RPE65: variants seen among roughly 807,000 people sequenced by gnomAD.
RPE65 encodes the protein retinoid isomerohydrolase.
In RPE65, 58 loss-of-function variants were observed where a neutral mutation model predicts 68.5. That is an observed-to-expected ratio of 0.85 (90% CI 0.69 to 1.05). The LOEUF (loss-of-function observed/expected upper bound fraction) is 1.05, where lower values mean the gene tolerates loss of function less well. Among genes scored for constraint, RPE65 ranks in the 50% least tolerant of loss-of-function variants. The pLI is 0.00. For synonymous variants in RPE65, 220 were observed against 222.2 expected (o/e 0.99, Z 0.09); for missense variants, 643 against 629.9 (o/e 1.02, Z -0.22).
intron 2 of RPE65, among the ~76,000 whole-genome samples, chr1:68,448,010 G>A (rs1403266294): frequency 2.0e-5 from 3 of 152,188 alleles, no homozygotes; most frequent in African/African-American, 7.2e-5. Context: ...GATACTGATA[G>A]TAATAATTAC....
At chr1:68,431,197 T>A in intron 12 of RPE65, 21 bp from the exon 13 acceptor site, 1 of 1,612,160 alleles carries the variant, frequency 6.2e-7, no homozygotes, top group South Asian at 1.1e-5. Flanking sequence ...GAAAGAAAAA[T>A]CAATCAAGCA....
At chr1:68,446,647 GGGA>G in intron 3 of RPE65, 60 bp downstream of exon 3, 2 of 1,606,008 alleles carry the variant, frequency 1.2e-6, no homozygotes, top group East Asian at 2.2e-5. Flanking sequence ...AAACTCACAT[GGGA>G]GGAGGAGCCA....
At position 68,431,091 on chromosome 1, in the gene RPE65, T is replaced by G. The variant is rs2100806867; in HGVS notation, c.1424A>C (p.His475Pro). The G allele has an allele frequency of 6.2e-7, 1 of 1,613,780 alleles. No individual in the cohort carries two copies. The highest frequency in any genetic ancestry group is 8.5e-7 in the Non-Finnish European group (1 of 1,179,758). Residue 475 changes from histidine (H) to proline (P), a missense_variant, in exon 13 of 14, where the codon CAC becomes CCC. His to Pro is a moderately conservative substitution (Grantham distance 77). Coordinates refer to ENST00000262340, the MANE Select transcript of RPE65 (RefSeq NM_000329.3). Reference protein sequence around the residue: ...SYPSEPIFVSHPDALEEDDGV... With the variant: ...SYPSEPIFVSPPDALEEDDGV... ...ATCATCTTCTTCCAAGGCATCTGGG[T>G]GAGAAACAAAGATGGGTTCTGATGG...
intron 10 of RPE65, among the ~76,000 whole-genome samples, chr1:68,435,698 T>C (rs1571162263): frequency 6.6e-6 from 1 of 152,144 alleles, no homozygotes; most frequent in Non-Finnish European, 1.5e-5. Flanking sequence ...CTCAATCCCA[T>C]CTCCACCTGC....
rs758321182 is a variant in RPE65 at position 68,431,349 on chromosome 1, T to C, written c.1271A>G (p.Gln424Arg). ...TGTGTAAGGTTTCCCACAATACTTC[T>C]GGTAATTGATTTGAGGAAACTCAAA... is the stretch of plus-strand genomic sequence containing the variant. ...QAFEFPQINYQKYCGKPYTYA... is the reference protein window; with the variant it reads ...QAFEFPQINYRKYCGKPYTYA... The change falls in exon 12 of 14, where the codon CAG (glutamine) becomes CGG (arginine). Residue 424 changes from glutamine to arginine, a missense_variant. Transcript: ENST00000262340. 5 of 1,614,014 alleles carry C rather than the reference T, an allele frequency of 3.1e-6. No individual in the cohort carries two copies. The highest frequency in any genetic ancestry group is 4.2e-6 in the Non-Finnish European group (5 of 1,179,948).
chr1:68,445,893 C>T (rs572964875), intron 3 of RPE65, among the ~76,000 whole-genome samples: 1 of 151,866 alleles, frequency 6.6e-6, no homozygotes, highest in African/African-American at 2.4e-5. Context: ...ACAGTAAGCT[C>T]TTATGGCTAC....
rs746904646 is a variant in RPE65, at chr1:68,440,984, T to A, written c.512A>T (p.Tyr171Phe). The A allele has an allele frequency of 1.2e-6, 2 of 1,613,728 alleles. No individual in the cohort carries two copies. Among genetic ancestry groups the A allele is most frequent in the Non-Finnish European group, 8.5e-7 (1 of 1,179,846 alleles). The change falls in exon 6 of 14, where the codon TAT becomes TTT. Residue 171 changes from tyrosine (Y) to phenylalanine (F), a missense_variant. Coordinates refer to ENST00000262340, the MANE Select transcript of RPE65 (RefSeq NM_000329.3). ...AGCAGTGGCCCCATTGACAGAGACA[T>A]AGTTGCAAAGATCAACCTACGGAAG... is the stretch of plus-strand genomic sequence containing the variant. ...ETIKQVDLCN[Y>F]VSVNGATAHP...
chr1:68,431,692 G>A, intron 10 of RPE65, 107 bp from the exon 11 acceptor site: 1 of 910,186 alleles, frequency 1.1e-6, no homozygotes, highest in Non-Finnish European at 1.8e-6. Flanking sequence ...AGGTCAACAT[G>A]CAGGGAGGAA....
At chr1:68,449,250 C>T (rs2100835365) in intron 1 of RPE65, among the ~76,000 whole-genome samples, 1 of 152,218 alleles carries the variant, frequency 6.6e-6, no homozygotes, top group Admixed American at 6.5e-5. Context: ...ATTATTCACT[C>T]ATATTATACC....
At chr1:68,440,672 T>C (rs1396156181) in intron 6 of RPE65, among the ~76,000 whole-genome samples, 181 bp downstream of exon 6, 1 of 152,208 alleles carries the variant, frequency 6.6e-6, no homozygotes, top group Non-Finnish European at 1.5e-5. Context: ...CATCCTTTGA[T>C]ATGATGCCCT....
intron 5 of RPE65, among the ~76,000 whole-genome samples, chr1:68,443,898 G>A (rs1277990984): frequency 2.6e-5 from 4 of 152,078 alleles, no homozygotes; most frequent in Non-Finnish European, 5.9e-5. Flanking sequence ...CTGAAATTTT[G>A]TTCTATGCTA....
At chr1:68,446,325 G>T (rs935700573) in intron 3 of RPE65, among the ~76,000 whole-genome samples, 1 of 147,860 alleles carries the variant, frequency 6.8e-6, no homozygotes, top group African/African-American at 2.6e-5. Context: ...GAAGTGCTTT[G>T]TGTGTGCTAG....
At chr1:68,434,109 TATATATAC>T (rs1388891644) in intron 10 of RPE65, among the ~76,000 whole-genome samples, 9 of 142,076 alleles carry the variant, frequency 6.3e-5, no homozygotes, top group African/African-American at 2.2e-4. Context: ...TATATATATA[TATATATAC>T]ACACACACAC....
intron 9 of RPE65, among the ~76,000 whole-genome samples, chr1:68,438,674 A>G (rs1278428396): frequency 6.6e-6 from 1 of 152,074 alleles, no homozygotes; most frequent in Non-Finnish European, 1.5e-5. Flanking sequence ...TTCCCCAGGG[A>G]TTTTGTCAAC....
chr1:68,436,762 CT>C (rs1387477809), intron 10 of RPE65, among the ~76,000 whole-genome samples: 5 of 152,118 alleles, frequency 3.3e-5, no homozygotes, highest in Non-Finnish European at 5.9e-5. Context: ...GCCACTGCGC[CT>C]GGCCCAGCTC....
At chr1:68,432,912 G>C (rs778113095) in intron 10 of RPE65, among the ~76,000 whole-genome samples, 1 of 152,136 alleles carries the variant, frequency 6.6e-6, no homozygotes, top group Non-Finnish European at 1.5e-5. Context: ...ACAGAGTCAA[G>C]AAGATTTCCT....
At chr1:68,443,310 A>G (rs1164847924) in intron 5 of RPE65, among the ~76,000 whole-genome samples, 1 of 152,188 alleles carries the variant, frequency 6.6e-6, no homozygotes, top group Non-Finnish European at 1.5e-5. Flanking sequence ...GGTTTGTATA[A>G]TGATTGAAAA....
chr1:68,439,939 G>A (rs1026415539), intron 6 of RPE65, among the ~76,000 whole-genome samples: 3 of 152,128 alleles, frequency 2.0e-5, no homozygotes, highest in African/African-American at 7.2e-5. Context: ...AGTCAGGGGA[G>A]TAGGGAAGAA....
intron 11 of RPE65, 37 bp downstream of exon 11, chr1:68,431,434 T>G (rs369089695): frequency 8.7e-6 from 14 of 1,612,032 alleles, no homozygotes; most frequent in African/African-American, 1.3e-5. Context: ...GAAACATTTG[T>G]TCACTCCCGT....
Sources: allele counts gnomAD v4.1 joint callset (sites outside exome capture counted in the v4.1 genomes callset), GRCh38; gene constraint gnomAD v4.1.1; transcripts MANE v1.5; gene names NCBI Gene and HGNC (gene_info 2026-07-23, HGNC 2026-07-21).